TCP11L2: variants seen among roughly 807,000 people sequenced by gnomAD.
TCP11L2 encodes the protein t-complex 11 like 2, also known as T-complex protein 11-like protein 2.
Under a neutral mutation model 50.7 loss-of-function variants are expected in TCP11L2, and 39 were observed. That is an observed-to-expected ratio of 0.77 (90% confidence interval 0.60 to 1.01). The LOEUF is 1.01. Ranked by LOEUF, TCP11L2 falls within the 50% of genes least tolerant of loss-of-function variation. TCP11L2 has a pLI of 0.00. For missense variants in TCP11L2, 612 were observed against 614.7 expected, an observed-to-expected ratio of 1.00 and a Z score of 0.05; for synonymous variants, 192 against 219.3, an observed-to-expected ratio of 0.88 and a Z score of 1.10.
chr12:106,323,661 A>G lies in TCP11L2; in HGVS notation c.772+15A>G. On this transcript the variant is annotated intron_variant, in intron 6 of 9. Transcript: ENST00000299045. ...AGAAACTCCAAGTGAGTATAATATA[A>G]TGTGTATTTATATTGAAATTAGGTT... 2.2e-6 allele frequency: 3 copies of G among 1,384,236 alleles called. No homozygotes were observed. The African/African-American group carries it at 4.4e-5, about 20-fold the overall frequency. 85.7% of individuals were successfully genotyped at this position (1,384,236 alleles called of 1,614,324 possible).
chr12:106,302,009 CGT>C (rs1276717529), upstream of TCP11L2: 1 of 152,208 alleles, frequency 6.6e-6, no homozygotes, highest in African/African-American at 2.4e-5. Context: ...AATCTAGACC[CGT>C]GTTTATGTGG....
chr12:106,340,022 T>C (rs1431797560), intron 8 of TCP11L2, among the ~76,000 whole-genome samples: 1 of 152,212 alleles, frequency 6.6e-6, no homozygotes, highest in Admixed American at 6.5e-5. Flanking sequence ...TGAACCCAGC[T>C]CCACATAACA....
rs374676843 is a variant in TCP11L2, at chr12:106,310,893, C to G, written c.-35-148C>G. ...GACCTAGTGATCTGGCCTAGTCCGG[C>G]CAAGGTGCTGGGGGAAGGATGAGGT... On this transcript the variant is annotated intron_variant, in intron 1 of 9. Transcript: ENST00000299045. 9 of 666,426 alleles carry G rather than the reference C, an allele frequency of 1.4e-5. No homozygotes were observed. The East Asian group carries it at 1.4e-4, about 10-fold the overall frequency. 41.3% of individuals were successfully genotyped at this position (666,426 alleles called of 1,614,324 possible). A position where few individuals can be genotyped will look rare whatever the true frequency, so the allele number is the denominator to read the frequency against.
chr12:106,345,027 G>A (rs1317263103), intron 9 of TCP11L2, among the ~76,000 whole-genome samples: 1 of 152,092 alleles, frequency 6.6e-6, no homozygotes, highest in Non-Finnish European at 1.5e-5. Context: ...TTGAGATGGA[G>A]TCTCCCTCTG....
chr12:106,318,721 T>A (rs747623455), intron 4 of TCP11L2, among the ~76,000 whole-genome samples: 30 of 152,104 alleles, frequency 2.0e-4, no homozygotes, highest in Non-Finnish European at 3.2e-4. Flanking sequence ...TTTTTGTTGT[T>A]TTGTTTTGAG....
intron 9 of TCP11L2, 91 bp downstream of exon 9, chr12:106,341,089 A>AAC: frequency 9.6e-7 from 1 of 1,040,572 alleles, no homozygotes; most frequent in Non-Finnish European, 1.4e-6. Flanking sequence ...TTTGATCTTA[A>AAC]ACACATTACC....
Position 106,346,571 on chromosome 12 carries a change from T to G in TCP11L2, c.*41T>G. 1 of 1,583,120 alleles carries G rather than the reference T, an allele frequency of 6.3e-7. No homozygotes were observed. The highest frequency in any genetic ancestry group is 1.3e-5 in the African/African-American group (1 of 74,412). ...GGACGAGAGATTGGAAATCCAGTACTTTGGTATCCAGTCCACTTCCATTGA... is the reference window on the plus strand; with the variant it reads ...GGACGAGAGATTGGAAATCCAGTACGTTGGTATCCAGTCCACTTCCATTGA... On this transcript the variant is annotated 3_prime_UTR_variant, in exon 10 of 10. Transcript: ENST00000299045.
At chr12:106,325,092 A>T (rs1017460226) in intron 6 of TCP11L2, 1 of 152,260 alleles carries the variant, frequency 6.6e-6, no homozygotes, top group African/African-American at 2.4e-5. Flanking sequence ...CTTTACCTGT[A>T]CAAACTAATT....
chr12:106,306,227 C>T (rs1240534787), intron 1 of TCP11L2, among the ~76,000 whole-genome samples: 1 of 152,202 alleles, frequency 6.6e-6, no homozygotes, highest in Non-Finnish European at 1.5e-5. Context: ...GTCATCTTCT[C>T]TTTTAACCTT....
At chr12:106,344,252 TA>T (rs1418843968) in intron 9 of TCP11L2, among the ~76,000 whole-genome samples, 1 of 152,184 alleles carries the variant, frequency 6.6e-6, no homozygotes, top group African/African-American at 2.4e-5. Context: ...TTCAGTTCGT[TA>T]TTTATCTTTA....
chr12:106,300,582 G>A (rs138999220), upstream of TCP11L2, among the ~76,000 whole-genome samples: 307 of 152,192 alleles, frequency 2.0e-3, 3 homozygotes, highest in African/African-American at 7.1e-3. Flanking sequence ...CACCTGCCTC[G>A]GCCTCCCAAA....
chr12:106,302,318 C>CT (rs2136568672), upstream of TCP11L2, among the ~76,000 whole-genome samples: 1 of 74,206 alleles, frequency 1.3e-5, no homozygotes, highest in Non-Finnish European at 2.9e-5. Flanking sequence ...TCAGCCCCCG[C>CT]TCCCCCCGCT....
At chr12:106,318,917 T>A (rs1472707015) in intron 4 of TCP11L2, among the ~76,000 whole-genome samples, 1 of 151,500 alleles carries the variant, frequency 6.6e-6, no homozygotes, top group African/African-American at 2.4e-5. Flanking sequence ...TTTTTTTATT[T>A]TTTTTGAGAC....
intron 2 of TCP11L2, chr12:106,312,480 G>A (rs1183002345): frequency 1.9e-6 from 2 of 1,037,516 alleles, no homozygotes; most frequent in African/African-American, 1.7e-5. Flanking sequence ...TGGTGTTGTT[G>A]CATCTGACAC....
chr12:106,342,493 T>C (rs1259285154), intron 9 of TCP11L2, among the ~76,000 whole-genome samples: 2 of 152,096 alleles, frequency 1.3e-5, no homozygotes, highest in African/African-American at 4.8e-5. Flanking sequence ...TGAGAGATGG[T>C]GTTCTAGGAG....
upstream of TCP11L2, among the ~76,000 whole-genome samples, chr12:106,299,941 C>A (rs2034383867): frequency 6.6e-6 from 1 of 152,064 alleles, no homozygotes. Flanking sequence ...ATGAGTATTT[C>A]TATTTCTTCA....
In TCP11L2 at chr12:106,346,229, T is replaced by G. The variant is rs984225868; in HGVS notation, c.1316-57T>G. ...CTACTACAATTACTTGTTCTTGTTT[T>G]TAAAAATTATGTACTTTAATAATGG... On this transcript the variant is annotated intron_variant, in intron 9 of 9. Coordinates refer to ENST00000299045, the MANE Select transcript of TCP11L2 (RefSeq NM_152772.3). 3 of 1,525,282 alleles carry G rather than the reference T, an allele frequency of 2.0e-6. No individual in the cohort carries two copies. The Middle Eastern group carries it at 5.4e-4, about 274-fold the overall frequency. The allele number at this position is 1,525,282 out of a possible 1,614,324, so 94.5% of individuals were successfully genotyped here.
In TCP11L2 at chr12:106,336,029, T is replaced by G. The variant is rs764186728; in HGVS notation, c.961-3T>G. ...ATTTTTATATTTTAAATAAATATGTTAGACACTTATGACAGATGGAGCACG... is the reference window on the plus strand; with the variant it reads ...ATTTTTATATTTTAAATAAATATGTGAGACACTTATGACAGATGGAGCACG... On this transcript the variant is annotated splice_polypyrimidine_tract_variant and splice_region_variant and intron_variant, in intron 7 of 9. Coordinates refer to ENST00000299045, the MANE Select transcript of TCP11L2 (RefSeq NM_152772.3). 2.5e-6 allele frequency: 4 copies of G among 1,594,508 alleles called. No individual in the cohort carries two copies. Among genetic ancestry groups the G allele is most frequent in the South Asian group, 1.1e-5 (1 of 87,184 alleles).
At chr12:106,317,768 A>C (rs1331140025) in intron 3 of TCP11L2, among the ~76,000 whole-genome samples, 1 of 152,240 alleles carries the variant, frequency 6.6e-6, no homozygotes, top group Non-Finnish European at 1.5e-5. Flanking sequence ...TGTGTATTTT[A>C]ACGTGCACCT....
Sources: gnomAD v4.1 joint callset for allele counts (sites outside exome capture counted in the v4.1 genomes callset) on GRCh38, gnomAD v4.1.1 for gene constraint, MANE v1.5 for transcripts, NCBI Gene and HGNC (gene_info 2026-07-23, HGNC 2026-07-21) for gene names.